Variants in RGS7 observed in about 807,000 individuals in gnomAD.
The protein encoded by RGS7 is regulator of G-protein signaling 7.
Under a neutral mutation model 81.1 loss-of-function variants are expected in RGS7, and 27 were observed. The ratio of observed to expected loss-of-function variants is 0.33; its 90% CI spans 0.25 to 0.46. The LOEUF (loss-of-function observed/expected upper bound fraction) is 0.46. RGS7 is among the 20% of genes least tolerant of loss of function. The pLI is 1.00. For synonymous variants in RGS7, 208 were observed against 207.7 expected (o/e 1.00, Z -0.01); for missense variants, 396 against 607.4 (o/e 0.65, Z 3.66).
At chr1:241,253,580 A>T (rs562219344) in intron 2 of RGS7, among the ~76,000 whole-genome samples, 3 of 152,188 alleles carry the variant, frequency 2.0e-5, no homozygotes, top group African/African-American at 7.2e-5. Context: ...TCTCCCTCTG[A>T]CCCTCCATTA....
chr1:240,885,354 G>C (rs989628843), intron 6 of RGS7, among the ~76,000 whole-genome samples: 2 of 152,098 alleles, frequency 1.3e-5, no homozygotes, highest in African/African-American at 4.8e-5. Flanking sequence ...ACTTCTCAAA[G>C]AGCTAAAAAC....
chr1:241,223,689 AG>A (rs1315093535), intron 2 of RGS7, among the ~76,000 whole-genome samples: 1 of 150,586 alleles, frequency 6.6e-6, no homozygotes, highest in Non-Finnish European at 1.5e-5. Context: ...GGGTTAAATC[AG>A]GATCATAAAT....
At chr1:241,292,126 C>G (rs1363838323) in intron 2 of RGS7, among the ~76,000 whole-genome samples, 2 of 152,156 alleles carry the variant, frequency 1.3e-5, no homozygotes, top group East Asian at 3.9e-4. Context: ...ATGCATGGAG[C>G]TGTCGTCTCC....
intron 9 of RGS7, among the ~76,000 whole-genome samples, chr1:240,856,163 T>C (rs1162156898): frequency 1.3e-5 from 2 of 152,210 alleles, no homozygotes; most frequent in Admixed American, 1.3e-4. Context: ...ATCAAGTTTT[T>C]AATAAAATGT....
rs142000923 is a variant in RGS7, at chr1:241,345,278, A to G, written c.78+10421T>C. Among the ~76,000 whole-genome samples, 5 of 152,324 alleles carry G rather than the reference A, an allele frequency of 3.3e-5. No individual in the cohort carries two copies. In the East Asian group the frequency reaches 7.7e-4, roughly 24 times the overall value. ...GAGGAGAGGATCAGGAAAAATAACT[A>G]TTGGGTTATAACTATGCTTAATACC... On this transcript the variant is annotated intron_variant, in intron 2 of 18. Transcript: ENST00000440928.
At chr1:241,125,355 T>C (rs1344385566) in intron 2 of RGS7, among the ~76,000 whole-genome samples, 2 of 152,064 alleles carry the variant, frequency 1.3e-5, no homozygotes, top group East Asian at 3.9e-4. Context: ...CACTGCACAG[T>C]ATTCCAATTT....
chr1:241,041,103 A>T (rs1187442175), intron 3 of RGS7, among the ~76,000 whole-genome samples: 1 of 152,226 alleles, frequency 6.6e-6, no homozygotes, highest in African/African-American at 2.4e-5. Context: ...TTAAATGTAT[A>T]TATTTATTCT....
In RGS7 at chr1:240,853,709, G is replaced by T. The variant is rs575700276; in HGVS notation, c.609+14878C>A. ...TCACGAGGGCAGGAGGAGACCATACGGGCTAACACGGTGAAACCCCGTCTC... is the reference window on the plus strand; with the variant it reads ...TCACGAGGGCAGGAGGAGACCATACTGGCTAACACGGTGAAACCCCGTCTC... On this transcript the variant is annotated intron_variant, in intron 9 of 18. Coordinates refer to ENST00000440928, the MANE Select transcript of RGS7 (RefSeq NM_001364886.1). Among the ~76,000 whole-genome samples, 418 of 151,770 alleles carry T rather than the reference G, an allele frequency of 2.8e-3. 5 individuals are homozygous for T. The highest frequency in any genetic ancestry group is 0.027 in the South Asian group (131 of 4,804).
chr1:240,908,614 C>T (rs912728563), intron 6 of RGS7, among the ~76,000 whole-genome samples: 25 of 152,162 alleles, frequency 1.6e-4, no homozygotes, highest in Admixed American at 5.9e-4. Flanking sequence ...GGTAAAAGCT[C>T]CACCTAAGAT....
chr1:240,937,715 T>C (rs948371753), intron 4 of RGS7, among the ~76,000 whole-genome samples: 1 of 152,172 alleles, frequency 6.6e-6, no homozygotes, highest in African/African-American at 2.4e-5. Flanking sequence ...TCTAGTACCA[T>C]CAGTAATGTT....
At chr1:241,319,370 G>A (rs573356761) in intron 2 of RGS7, among the ~76,000 whole-genome samples, 2 of 152,216 alleles carry the variant, frequency 1.3e-5, no homozygotes, top group African/African-American at 4.8e-5. Flanking sequence ...TACTGTTAAT[G>A]GTGCCTATTA....
chr1:241,130,784 G>C (rs2067023577), intron 2 of RGS7, among the ~76,000 whole-genome samples: 2 of 149,416 alleles, frequency 1.3e-5, no homozygotes, highest in African/African-American at 5.1e-5. Flanking sequence ...GATTGGATTT[G>C]GTGTTTGGTT....
intron 2 of RGS7, among the ~76,000 whole-genome samples, chr1:241,112,049 G>A (rs2065546913): frequency 6.6e-6 from 1 of 152,048 alleles, no homozygotes; most frequent in Non-Finnish European, 1.5e-5. Context: ...GATGCCTCAG[G>A]TCATTCGAGC....
chr1:240,879,087 T>C (rs1665962299), intron 6 of RGS7, among the ~76,000 whole-genome samples: 1 of 152,208 alleles, frequency 6.6e-6, no homozygotes, highest in Non-Finnish European at 1.5e-5. Context: ...CAAATATTCC[T>C]ACCTTCATTC....
chr1:240,954,026 G>A (rs1679965987), intron 4 of RGS7, among the ~76,000 whole-genome samples: 1 of 151,964 alleles, frequency 6.6e-6, no homozygotes, highest in African/African-American at 2.4e-5. Context: ...TTACTTCAAA[G>A]ACACAAACCA....
At chr1:241,211,750 G>A (rs1026013903) in intron 2 of RGS7, among the ~76,000 whole-genome samples, 3 of 152,276 alleles carry the variant, frequency 2.0e-5, no homozygotes, top group South Asian at 2.1e-4. Context: ...GTAGCAAGGC[G>A]TTATGGTGTC....
intron 12 of RGS7, among the ~76,000 whole-genome samples, chr1:240,814,366 A>AT (rs1339471344): frequency 2.0e-5 from 3 of 152,228 alleles, no homozygotes; most frequent in African/African-American, 7.2e-5. Flanking sequence ...ATAAGTTTAT[A>AT]GAGAGGCTCC....
At chr1:240,955,298 C>T (rs1022977542) in intron 4 of RGS7, among the ~76,000 whole-genome samples, 3 of 151,948 alleles carry the variant, frequency 2.0e-5, no homozygotes, top group African/African-American at 4.8e-5. Context: ...AGGATAAAAA[C>T]AAAGTTGGCT....
chr1:241,165,186 G>T (rs1247724856), intron 2 of RGS7, among the ~76,000 whole-genome samples: 1 of 152,160 alleles, frequency 6.6e-6, no homozygotes, highest in Non-Finnish European at 1.5e-5. Flanking sequence ...TCCAGAAGTA[G>T]ACTACATAAG....
Sources: allele counts gnomAD v4.1 joint callset (sites outside exome capture counted in the v4.1 genomes callset), GRCh38; gene constraint gnomAD v4.1.1; transcripts MANE v1.5; gene names NCBI Gene and HGNC (gene_info 2026-07-23, HGNC 2026-07-21).